The following TMEM220 variants were observed in gnomAD, a reference collection of about 807,000 sequenced individuals.
The protein encoded by TMEM220 is transmembrane protein 220.
A neutral mutation model predicts 21.7 loss-of-function variants in TMEM220; 21 were observed. The ratio of observed to expected loss-of-function variants is 0.97; its 90% confidence interval spans 0.69 to 1.39. TMEM220 has a LOEUF of 1.39. TMEM220 is among the 40% of genes most tolerant of loss of function. TMEM220 has a pLI of 0.00. For synonymous variants in TMEM220, 80 were observed against 73.6 expected (o/e 1.09, Z -0.45); for missense variants, 191 against 201.9 (o/e 0.95, Z 0.33).
At chr17:10,722,571 CAATT>C (rs908386902) in intron 5 of TMEM220, among the ~76,000 whole-genome samples, 14 of 152,314 alleles carry the variant, frequency 9.2e-5, no homozygotes, top group Admixed American at 2.6e-4. Flanking sequence ...TCTTCTCACA[CAATT>C]AAAGGACCTT....
chr17:10,713,165 G>A (rs1178726591), downstream of TMEM220: 1 of 151,824 alleles, frequency 6.6e-6, no homozygotes, highest in East Asian at 1.9e-4. Flanking sequence ...CAGCTACTTG[G>A]GAGGCTAAGG....
intron 2 of TMEM220, among the ~76,000 whole-genome samples, chr17:10,727,212 T>C (rs983052911): frequency 6.6e-6 from 1 of 151,984 alleles, no homozygotes; most frequent in Non-Finnish European, 1.5e-5. Context: ...TCTCGCTATG[T>C]TGCACAGGCT....
Position 10,729,772 on chromosome 17 carries a change from C to A in TMEM220, c.72+8G>T. On this transcript the variant is annotated splice_region_variant and intron_variant, in intron 1 of 5. Transcript: ENST00000341871. Reference sequence around the variant, plus strand: ...GGGCGGGTCCCCCTCCCACCGCGGCCGCCTGACCTGCACCAAGGCCGCCAG... The same window carrying A: ...GGGCGGGTCCCCCTCCCACCGCGGCAGCCTGACCTGCACCAAGGCCGCCAG... 1.4e-6 allele frequency: 2 copies of A among 1,387,610 alleles called. No individual in the cohort carries two copies. The highest frequency in any genetic ancestry group is 1.5e-5 in the South Asian group (1 of 64,798). The allele number at this position is 1,387,610 out of a possible 1,614,324, so 86.0% of individuals were successfully genotyped here.
At position 10,725,124 on chromosome 17, in the gene TMEM220, A is replaced by G; in HGVS notation, c.174T>C (p.Ile58=). The change falls in exon 4 of 6, where the codon ATT becomes ATC. Residue 58 remains isoleucine, a synonymous_variant. Transcript: ENST00000341871. The stretch of plus-strand genomic sequence containing the variant: ...TGTGTATTGCAGAGATACTTTTCCA[A>G]ATAACATTACCTAAAAATAGATGTT... ...GLNPEVTGNV[I]WKSISAIHIL... 1 of 1,614,100 alleles carries G rather than the reference A, an allele frequency of 6.2e-7. No individual in the cohort carries two copies. The highest frequency in any genetic ancestry group is 1.3e-5 in the African/African-American group (1 of 75,034).
chr17:10,723,194 T>C (rs2075012262), intron 5 of TMEM220, 76 bp downstream of exon 5: 1 of 1,239,124 alleles, frequency 8.1e-7, no homozygotes. Flanking sequence ...TTGGCCAGGA[T>C]GGTCTTGATC....
downstream of TMEM220, among the ~76,000 whole-genome samples, chr17:10,711,701 T>C (rs552049980): frequency 3.8e-4 from 58 of 152,262 alleles, 1 homozygote; most frequent in Non-Finnish European, 7.8e-4. Context: ...TTGGGATTCA[T>C]AGGACCAAGT....
At chr17:10,725,383 G>A (rs2075038730) in intron 3 of TMEM220, among the ~76,000 whole-genome samples, 1 of 152,018 alleles carries the variant, frequency 6.6e-6, no homozygotes, top group Non-Finnish European at 1.5e-5. Flanking sequence ...TTTTCTCTGG[G>A]GATCCACCAT....
At chr17:10,725,326 T>C (rs1285005643) in intron 3 of TMEM220, among the ~76,000 whole-genome samples, 192 bp from the exon 4 acceptor site, 2 of 152,210 alleles carry the variant, frequency 1.3e-5, no homozygotes, top group African/African-American at 4.8e-5. Flanking sequence ...TGGCCATTTC[T>C]TGTTTGGGTT....
In TMEM220 at chr17:10,715,473, G is replaced by A. The variant is rs766816823; in HGVS notation, c.463C>T (p.His155Tyr). 4 of 1,588,766 alleles carry A rather than the reference G, an allele frequency of 2.5e-6. No individual in the cohort carries two copies. The highest frequency in any genetic ancestry group is 3.4e-6 in the Non-Finnish European group (4 of 1,174,536). ...TTTATTTAAATTACTGTCTTGCAGTGAGTTGGCCAAGAGGACCGCATTTCC... is the reference window on the plus strand; with the variant it reads ...TTTATTTAAATTACTGTCTTGCAGTAAGTTGGCCAAGAGGACCGCATTTCC... ...NKEMRSSWPTHCKTVI is the reference protein window; with the variant it reads ...NKEMRSSWPTYCKTVI Residue 155 changes from histidine to tyrosine, a missense_variant, in exon 6 of 6, where the codon CAC (histidine) becomes TAC (tyrosine). Physicochemically the swap from His to Tyr is moderately conservative, Grantham distance 83 (BLOSUM62 2). Coordinates refer to ENST00000341871, the MANE Select transcript of TMEM220 (RefSeq NM_001004313.3).
chr17:10,722,680 G>A (rs1352979556), intron 5 of TMEM220, among the ~76,000 whole-genome samples: 2 of 152,026 alleles, frequency 1.3e-5, no homozygotes, highest in Non-Finnish European at 2.9e-5. Flanking sequence ...AACATTCATC[G>A]ATATGTACAC....
At chr17:10,716,970 CTT>C (rs2074929818) in intron 5 of TMEM220, among the ~76,000 whole-genome samples, 1 of 152,108 alleles carries the variant, frequency 6.6e-6, no homozygotes, top group Admixed American at 6.5e-5. Context: ...TAAATGTTAA[CTT>C]TTTGTTTTAT....
At chr17:10,721,764 T>C (rs951175552) in intron 5 of TMEM220, among the ~76,000 whole-genome samples, 1 of 151,200 alleles carries the variant, frequency 6.6e-6, no homozygotes, top group Non-Finnish European at 1.5e-5. Flanking sequence ...TCTGCTTTTA[T>C]ATATGTTTGA....
chr17:10,729,181 G>T, intron 1 of TMEM220, 121 bp from the exon 2 acceptor site: 1 of 1,151,064 alleles, frequency 8.7e-7, no homozygotes, highest in Non-Finnish European at 1.3e-6. Flanking sequence ...AGGCATCGAG[G>T]GTACAAAATC....
intron 5 of TMEM220, 31 bp downstream of exon 5, chr17:10,723,239 A>C (rs757295255): frequency 3.1e-6 from 5 of 1,608,402 alleles, no homozygotes; most frequent in Non-Finnish European, 4.3e-6. Context: ...TCGGCCTCCC[A>C]AAGTGAAGAT....
intron 5 of TMEM220, among the ~76,000 whole-genome samples, chr17:10,716,891 T>C (rs1053339613): frequency 2.6e-5 from 4 of 152,228 alleles, no homozygotes; most frequent in Non-Finnish European, 4.4e-5. Flanking sequence ...TGTTATAGTT[T>C]TATGTGTAGA....
At chr17:10,727,190 A>G in intron 2 of TMEM220, among the ~76,000 whole-genome samples, 1 of 127,574 alleles carries the variant, frequency 7.8e-6, no homozygotes, top group East Asian at 2.3e-4. Flanking sequence ...AATTTTTTGG[A>G]GATGGGGGGG....
In TMEM220 at chr17:10,729,804, G is replaced by T. The variant is rs1316712052; in HGVS notation, c.48C>A (p.Phe16Leu). 2 of 1,413,288 alleles carry T rather than the reference G, an allele frequency of 1.4e-6. No individual in the cohort carries two copies. Among genetic ancestry groups the T allele is most frequent in the Non-Finnish European group, 9.3e-7 (1 of 1,076,462 alleles). 87.5% of individuals were successfully genotyped at this position (1,413,288 alleles called of 1,614,324 possible). The change falls in exon 1 of 6, where the codon TTC becomes TTA. Residue 16 changes from phenylalanine (F) to leucine (L), a missense_variant. Physicochemically the swap from Phe to Leu is conservative, Grantham distance 22. Transcript: ENST00000341871. ...WRACNGLMAA[F>L]FALAALVQVN... ...CCTGCACCAAGGCCGCCAGCGCGAAGAAGGCGGCCATGAGTCCGTTGCAGG... is the reference window on the plus strand; with the variant it reads ...CCTGCACCAAGGCCGCCAGCGCGAATAAGGCGGCCATGAGTCCGTTGCAGG...
downstream of TMEM220, chr17:10,711,323 T>G: frequency 1.6e-6 from 1 of 625,266 alleles, no homozygotes; most frequent in Non-Finnish European, 2.7e-6. Context: ...ATGTATCCAT[T>G]GTAAGTTAGA....
At chr17:10,712,852 C>G (rs1027742984), downstream of TMEM220, among the ~76,000 whole-genome samples, 7 of 152,084 alleles carry the variant, frequency 4.6e-5, no homozygotes, top group African/African-American at 1.4e-4. Context: ...GAATGATGAG[C>G]CAAGAGTTAG....
Sources: gnomAD v4.1 joint callset for allele counts (sites outside exome capture counted in the v4.1 genomes callset) on GRCh38, gnomAD v4.1.1 for gene constraint, MANE v1.5 for transcripts, NCBI Gene and HGNC (gene_info 2026-07-23, HGNC 2026-07-21) for gene names.